SLC35D1: variants seen among roughly 807,000 people sequenced by gnomAD.
The protein encoded by SLC35D1 is solute carrier family 35 member D1.
A neutral mutation model predicts 46.7 loss-of-function variants in SLC35D1; 31 were observed. That is an observed-to-expected ratio of 0.66 (90% CI 0.50 to 0.90). The LOEUF is 0.90. Among genes scored for constraint, SLC35D1 ranks in the 40% least tolerant of loss-of-function variants. The probability of loss-of-function intolerance (pLI) is 0.00; values close to 1 mark genes in which losing one functional copy is unlikely to be tolerated. For missense variants in SLC35D1, 397 were observed against 426.2 expected, an observed-to-expected ratio of 0.93 and a Z score of 0.60; for synonymous variants, 195 against 164.6, an observed-to-expected ratio of 1.18 and a Z score of -1.41.
At position 67,004,311 on chromosome 1, in the gene SLC35D1, C is replaced by A. The variant is rs1667401765; in HGVS notation, c.*29G>T. On this transcript the variant is annotated 3_prime_UTR_variant, in exon 12 of 12. Coordinates refer to ENST00000235345, the MANE Select transcript of SLC35D1 (RefSeq NM_015139.3). ...GTTCTGAGTTGATTAAAAACTTAGG[C>A]CTACGTATCAGATGAAGCAATCCTC... 1.9e-6 allele frequency: 3 copies of A among 1,593,314 alleles called. No homozygotes were observed. The highest frequency in any genetic ancestry group is 1.3e-5 in the African/African-American group (1 of 74,614).
At chr1:66,979,108 A>T in the SLC35D1 span, among the ~76,000 whole-genome samples, 2 of 149,910 alleles carry the variant, frequency 1.3e-5, no homozygotes, top group Non-Finnish European at 1.5e-5. Context: ...TTTTTTTTTT[A>T]TAAAGTTTAT....
chr1:67,029,895 C>T (rs955637762), intron 8 of SLC35D1, among the ~76,000 whole-genome samples: 6 of 152,106 alleles, frequency 3.9e-5, no homozygotes, highest in Admixed American at 6.6e-5. Flanking sequence ...CTGTTTCCTG[C>T]GCCCCACGCC....
At chr1:67,026,201 T>C (rs186947849) in intron 8 of SLC35D1, among the ~76,000 whole-genome samples, 1 of 152,186 alleles carries the variant, frequency 6.6e-6, no homozygotes, top group African/African-American at 2.4e-5. Flanking sequence ...ATTCCTAGTT[T>C]ATTGAGAATT....
At chr1:66,989,554 C>T in the SLC35D1 span, among the ~76,000 whole-genome samples, 2 of 152,144 alleles carry the variant, frequency 1.3e-5, no homozygotes, top group African/African-American at 4.8e-5. Flanking sequence ...CCTTGACCTC[C>T]TTGGGCGCAG....
Position 67,004,108 on chromosome 1 carries a change from C to T in SLC35D1, c.*232G>A, listed in dbSNP as rs1056072612. The T allele has an allele frequency of 2.1e-6, 1 of 480,922 alleles. No individual in the cohort carries two copies. The highest frequency in any genetic ancestry group is 2.0e-5 in the African/African-American group (1 of 51,084). The allele number at this position is 480,922 out of a possible 1,614,324, so 29.8% of individuals were successfully genotyped here. A position where few individuals can be genotyped will look rare whatever the true frequency, so the allele number is the denominator to read the frequency against. On this transcript the variant is annotated 3_prime_UTR_variant, in exon 12 of 12. Transcript: ENST00000235345. Reference sequence around the variant, plus strand: ...AAAAATAAATTAAAAAGCCCAGTACCTTTTCCAGTCTGATATAAATTAATT... The same window carrying T: ...AAAAATAAATTAAAAAGCCCAGTACTTTTTCCAGTCTGATATAAATTAATT...
intron 9 of SLC35D1, 140 bp from the exon 10 acceptor site, chr1:67,020,587 T>C: frequency 1.5e-6 from 1 of 666,230 alleles, no homozygotes; most frequent in East Asian, 2.8e-5. Context: ...CTGCTTCTTA[T>C]ACTGCAGCTT....
At chr1:66,985,240 TTAA>T in the SLC35D1 span, 1 of 971,686 alleles carries the variant, frequency 1.0e-6, no homozygotes, top group South Asian at 4.8e-5. Flanking sequence ...ATTTGATGTA[TTAA>T]TCATAAAATT....
intron 8 of SLC35D1, among the ~76,000 whole-genome samples, chr1:67,031,045 C>T (rs1668007973): frequency 6.6e-6 from 1 of 152,212 alleles, no homozygotes; most frequent in Admixed American, 6.5e-5. Flanking sequence ...CTGAATGTTA[C>T]ATTTGATTCA....
chr1:67,031,298 G>A (rs1668012674), intron 8 of SLC35D1, among the ~76,000 whole-genome samples: 1 of 151,898 alleles, frequency 6.6e-6, no homozygotes, highest in African/African-American at 2.4e-5. Context: ...TAGATCTTTG[G>A]CTGCAACAAA....
At position 67,049,955 on chromosome 1, in the gene SLC35D1, C is replaced by A. The variant is rs890292333; in HGVS notation, c.465-105G>T. ...TGCTTTCTCAAAAGCTATAAACAAT[C>A]GTATTTTAAACATTTCTGAGAAACT... On this transcript the variant is annotated intron_variant, in intron 5 of 11. Coordinates refer to ENST00000235345, the MANE Select transcript of SLC35D1 (RefSeq NM_015139.3). 7 of 831,158 alleles carry A rather than the reference C, an allele frequency of 8.4e-6. No homozygotes were observed. The East Asian group carries it at 1.6e-4, about 19-fold the overall frequency. 51.5% of individuals were successfully genotyped at this position (831,158 alleles called of 1,614,324 possible).
At chr1:66,973,101 A>G in the SLC35D1 span, 7 of 611,654 alleles carry the variant, frequency 1.1e-5, no homozygotes, top group East Asian at 1.8e-4. Context: ...CATAATTAAT[A>G]TGACAATATT....
chr1:67,021,586 C>G lies in SLC35D1; in HGVS notation c.746G>C (p.Gly249Ala), dbSNP rs150137157. 2 of 1,613,934 alleles carry G rather than the reference C, an allele frequency of 1.2e-6. No homozygotes were observed. The highest frequency in any genetic ancestry group is 1.7e-6 in the Non-Finnish European group (2 of 1,179,886). Residue 249 changes from glycine to alanine, a missense_variant, in exon 9 of 12, where the codon GGC becomes GCC. By Grantham distance (60) the Gly-to-Ala change is moderately conservative (BLOSUM62 0). Coordinates refer to ENST00000235345, the MANE Select transcript of SLC35D1 (RefSeq NM_015139.3). Reference protein sequence around the residue: ...GDAQKAVEFEGWADTLFLLQF... With the variant: ...GDAQKAVEFEAWADTLFLLQF... ...CAGAAGAAAGAGGGTGTCAGCCCAG[C>G]CTTCAAACTCCACAGCCTGCAACAC...
chr1:67,024,458 T>C (rs1667876390), intron 8 of SLC35D1, among the ~76,000 whole-genome samples: 1 of 152,174 alleles, frequency 6.6e-6, no homozygotes, highest in Non-Finnish European at 1.5e-5. Flanking sequence ...AACATTAGTT[T>C]GCTAGAGCTG....
At chr1:67,007,610 C>A (rs1667478455) in intron 11 of SLC35D1, among the ~76,000 whole-genome samples, 1 of 152,120 alleles carries the variant, frequency 6.6e-6, no homozygotes, top group African/African-American at 2.4e-5. Flanking sequence ...TCGGAAAGGG[C>A]AATTCATGAA....
chr1:67,019,259 A>G (rs781124066), intron 10 of SLC35D1, among the ~76,000 whole-genome samples: 1 of 152,196 alleles, frequency 6.6e-6, no homozygotes, highest in Non-Finnish European at 1.5e-5. Context: ...GACGAAAGCC[A>G]TCCACTTTGC....
At chr1:66,987,248 A>G in the SLC35D1 span, 1 of 152,714 alleles carries the variant, frequency 6.5e-6, no homozygotes, top group Non-Finnish European at 1.5e-5. Flanking sequence ...CTATAACTTG[A>G]TAAGTCATTG....
intron 9 of SLC35D1, among the ~76,000 whole-genome samples, chr1:67,020,933 A>C (rs914465245): frequency 2.6e-5 from 4 of 152,208 alleles, no homozygotes; most frequent in African/African-American, 7.2e-5. Context: ...GAACTCTCTG[A>C]TTTACACTGA....
At chr1:66,998,228 C>T (rs1012591759), downstream of SLC35D1, among the ~76,000 whole-genome samples, 13 of 152,070 alleles carry the variant, frequency 8.5e-5, no homozygotes, top group African/African-American at 3.1e-4. Flanking sequence ...GTGGCTCATG[C>T]CTGTAATTCC....
intron 8 of SLC35D1, among the ~76,000 whole-genome samples, chr1:67,033,713 T>C (rs1668068336): frequency 6.6e-6 from 1 of 152,208 alleles, no homozygotes; most frequent in African/African-American, 2.4e-5. Context: ...CTGTCCATTT[T>C]TACTTTGGTT....
Sources: allele counts gnomAD v4.1 joint callset (sites outside exome capture counted in the v4.1 genomes callset), GRCh38; gene constraint gnomAD v4.1.1; transcripts MANE v1.5; gene names NCBI Gene and HGNC (gene_info 2026-07-23, HGNC 2026-07-21).